Variants in CDH8 observed in about 807,000 individuals in gnomAD.
CDH8 encodes cadherin-8.
Under a neutral mutation model 68.1 loss-of-function variants are expected in CDH8, and 17 were observed. The observed-to-expected ratio is 0.25, with a 90% CI of 0.17 to 0.37. The LOEUF (loss-of-function observed/expected upper bound fraction) is 0.37. Among genes scored for constraint, CDH8 ranks in the 10% least tolerant of loss-of-function variants. The probability of loss-of-function intolerance (pLI) is 1.00; values close to 1 mark genes in which losing one functional copy is unlikely to be tolerated. For missense variants in CDH8, 763 were observed against 999.3 expected, an observed-to-expected ratio of 0.76 and a Z score of 3.19; for synonymous variants, 372 against 365.1, an observed-to-expected ratio of 1.02 and a Z score of -0.21.
At chr16:61,734,600 C>T (rs1959623789) in intron 8 of CDH8, among the ~76,000 whole-genome samples, 1 of 152,000 alleles carries the variant, frequency 6.6e-6, no homozygotes, top group Non-Finnish European at 1.5e-5. Context: ...TTCCAGAAGG[C>T]TTTTGTTAGA....
chr16:61,872,055 C>T (rs1963380927), intron 3 of CDH8, among the ~76,000 whole-genome samples: 2 of 152,066 alleles, frequency 1.3e-5, no homozygotes, highest in Non-Finnish European at 2.9e-5. Flanking sequence ...CTGGGCCTGA[C>T]TCAATGGAAA....
At chr16:61,859,009 T>A (rs1401355041) in intron 3 of CDH8, among the ~76,000 whole-genome samples, 1 of 152,164 alleles carries the variant, frequency 6.6e-6, no homozygotes, top group Non-Finnish European at 1.5e-5. Flanking sequence ...TAGCAAGATC[T>A]AGTCCGTCAA....
intron 7 of CDH8, among the ~76,000 whole-genome samples, chr16:61,793,098 G>T (rs141348209): frequency 0.014 from 2,078 of 151,892 alleles, 22 homozygotes; most frequent in Non-Finnish European, 0.021. Context: ...AAGACCCCAG[G>T]GATCTAGCAA....
At position 61,652,932 on chromosome 16, in the gene CDH8, T is replaced by A; in HGVS notation, c.*676A>T. On this transcript the variant is annotated 3_prime_UTR_variant, in exon 12 of 12. Coordinates refer to ENST00000577390, the MANE Select transcript of CDH8 (RefSeq NM_001796.5). ...CAAGCATGTTTGAATGGGATTTCTC[T>A]CCTCCCACCACTGAATTGGCAAGCC... 5.2e-6 allele frequency: 8 copies of A among 1,528,318 alleles called. No homozygotes were observed. Among genetic ancestry groups the A allele is most frequent in the African/African-American group, 1.4e-5 (1 of 72,972 alleles). The allele number at this position is 1,528,318 out of a possible 1,614,324, so 94.7% of individuals were successfully genotyped here.
chr16:61,808,097 C>A (rs954486205), intron 7 of CDH8, among the ~76,000 whole-genome samples: 1 of 152,112 alleles, frequency 6.6e-6, no homozygotes, highest in Admixed American at 6.5e-5. Context: ...TTTTCATATC[C>A]TTTGCTGAAA....
chr16:61,662,087 G>GTTTTTTTTTT, intron 10 of CDH8, among the ~76,000 whole-genome samples: 1 of 92,792 alleles, frequency 1.1e-5, no homozygotes, highest in Non-Finnish European at 2.2e-5. Flanking sequence ...TTTTACTTTA[G>GTTTTTTTTTT]TTTTTTTTTT....
At chr16:61,831,778 G>A (rs756215392) in intron 4 of CDH8, among the ~76,000 whole-genome samples, 18 of 151,616 alleles carry the variant, frequency 1.2e-4, no homozygotes, top group East Asian at 1.9e-4. Flanking sequence ...CACTCTTCAC[G>A]GGTCTCCCAG....
At chr16:61,970,463 A>AAGTAC (rs1332465737) in intron 2 of CDH8, among the ~76,000 whole-genome samples, 32 of 152,356 alleles carry the variant, frequency 2.1e-4, no homozygotes, top group Admixed American at 2.0e-3. Context: ...TATGTGTATC[A>AAGTAC]AAATGTTACA....
intron 2 of CDH8, among the ~76,000 whole-genome samples, chr16:61,955,462 A>T (rs1510168): frequency 0.5 from 75,485 of 152,010 alleles, 20,849 homozygotes; most frequent in African/African-American, 0.75. Context: ...ATGGCTGCAG[A>T]GGAGTCTCTT....
intron 2 of CDH8, among the ~76,000 whole-genome samples, chr16:61,983,760 G>T (rs957589142): frequency 1.3e-5 from 2 of 152,058 alleles, no homozygotes; most frequent in Non-Finnish European, 2.9e-5. Flanking sequence ...CACAGTTCTG[G>T]GGACTGGAAA....
At chr16:61,823,125 T>C (rs1217559339) in intron 5 of CDH8, among the ~76,000 whole-genome samples, 1 of 151,988 alleles carries the variant, frequency 6.6e-6, no homozygotes, top group Non-Finnish European at 1.5e-5. Flanking sequence ...AAGGTTGCAT[T>C]GTTGTCTGAT....
At chr16:61,883,430 G>T (rs1488420643) in intron 3 of CDH8, among the ~76,000 whole-genome samples, 1 of 151,832 alleles carries the variant, frequency 6.6e-6, no homozygotes, top group Non-Finnish European at 1.5e-5. Context: ...AAGCAGGCTT[G>T]GGGATACGAC....
At chr16:61,736,112 A>AAAGGAAGGAAGAAAGGAAGG (rs1555506341) in intron 8 of CDH8, among the ~76,000 whole-genome samples, 60 of 116,530 alleles carry the variant, frequency 5.1e-4, no homozygotes, top group Non-Finnish European at 6.8e-4. Context: ...AGAAAGAAAG[A>AAAGGAAGGAAGAAAGGAAGG]AAGGAAGGAA....
intron 2 of CDH8, among the ~76,000 whole-genome samples, chr16:61,940,950 A>G (rs1395493087): frequency 1.3e-5 from 2 of 152,252 alleles, no homozygotes; most frequent in Non-Finnish European, 2.9e-5. Flanking sequence ...AAAAACAGTA[A>G]TAGCAGCAAT....
chr16:61,670,662 T>G (rs1963772736), intron 10 of CDH8, among the ~76,000 whole-genome samples: 1 of 152,096 alleles, frequency 6.6e-6, no homozygotes, highest in Non-Finnish European at 1.5e-5. Flanking sequence ...CTATACATAC[T>G]AAGCTCTGAT....
intron 4 of CDH8, among the ~76,000 whole-genome samples, chr16:61,843,097 C>T (rs1470634877): frequency 6.6e-6 from 1 of 151,868 alleles, no homozygotes; most frequent in Non-Finnish European, 1.5e-5. Context: ...ACAGCCTGGA[C>T]CCTCTGGTCC....
rs554636971 is a variant in CDH8 at position 62,001,618 on chromosome 16, G to A, written c.252+19534C>T. Among the ~76,000 whole-genome samples, 3 of 152,254 alleles carry A rather than the reference G, an allele frequency of 2.0e-5. No individual in the cohort carries two copies. The South Asian group carries it at 6.2e-4, about 32-fold the overall frequency. On this transcript the variant is annotated intron_variant, in intron 2 of 11. Coordinates refer to ENST00000577390, the MANE Select transcript of CDH8 (RefSeq NM_001796.5). Reference sequence around the variant, plus strand: ...GAAAGTTGCACTAGCTTCAAGCTATGTGCTCTGTTAAAGAGTCATGGGGAG... The same window carrying A: ...GAAAGTTGCACTAGCTTCAAGCTATATGCTCTGTTAAAGAGTCATGGGGAG...
chr16:61,735,511 T>C (rs61111566), intron 8 of CDH8, among the ~76,000 whole-genome samples: 16,488 of 150,246 alleles, frequency 0.11, 900 homozygotes, highest in East Asian at 0.12. Context: ...ATTACCTTAT[T>C]ATTCTTCTAT....
intron 2 of CDH8, among the ~76,000 whole-genome samples, chr16:61,915,199 T>C (rs949805625): frequency 2.0e-5 from 3 of 152,170 alleles, no homozygotes; most frequent in Non-Finnish European, 4.4e-5. Context: ...CCTTCCTGTT[T>C]GCATGGCTAC....
Sources: gnomAD v4.1 joint callset for allele counts (sites outside exome capture counted in the v4.1 genomes callset) on GRCh38, gnomAD v4.1.1 for gene constraint, MANE v1.5 for transcripts, NCBI Gene and HGNC (gene_info 2026-07-23, HGNC 2026-07-21) for gene names.